LDB2: variants seen among roughly 807,000 people sequenced by gnomAD.
LDB2 encodes the protein LIM domain binding 2.
A neutral mutation model predicts 44.3 loss-of-function variants in LDB2; 12 were observed. That is an observed-to-expected ratio of 0.27 (90% CI 0.17 to 0.44). The LOEUF (loss-of-function observed/expected upper bound fraction) is 0.44, where lower values mean the gene tolerates loss of function less well. Ranked by LOEUF, LDB2 falls within the 20% of genes least tolerant of loss-of-function variation. The probability of loss-of-function intolerance (pLI) is 1.00; values close to 1 mark genes in which losing one functional copy is unlikely to be tolerated. For missense variants in LDB2, 344 were observed against 473.5 expected (o/e 0.73, Z 2.54); for synonymous variants, 164 against 174.8 (o/e 0.94, Z 0.49).
At chr4:16,870,718 C>T (rs1198515895) in intron 1 of LDB2, among the ~76,000 whole-genome samples, 1 of 152,084 alleles carries the variant, frequency 6.6e-6, no homozygotes, top group Non-Finnish European at 1.5e-5. Flanking sequence ...ACTACAACCT[C>T]CACCTCCCAG....
chr4:16,765,749 G>GAGA (rs570444815), intron 1 of LDB2, among the ~76,000 whole-genome samples: 148 of 152,298 alleles, frequency 9.7e-4, no homozygotes, highest in African/African-American at 3.4e-3. Context: ...GACAGTGTTC[G>GAGA]AGAGAAGTCT....
At chr4:16,775,219 T>C (rs548478980) in intron 1 of LDB2, among the ~76,000 whole-genome samples, 13 of 152,302 alleles carry the variant, frequency 8.5e-5, no homozygotes, top group African/African-American at 2.6e-4. Context: ...CATGGACCAG[T>C]GACTGGAACA....
At chr4:16,733,811 G>A (rs1320947030) in intron 2 of LDB2, among the ~76,000 whole-genome samples, 2 of 152,076 alleles carry the variant, frequency 1.3e-5, no homozygotes, top group Non-Finnish European at 2.9e-5. Context: ...AGTCATCAAG[G>A]CAATAATTAA....
intron 2 of LDB2, among the ~76,000 whole-genome samples, chr4:16,684,823 C>T (rs1748819065): frequency 2.6e-5 from 4 of 152,182 alleles, no homozygotes; most frequent in Admixed American, 2.6e-4. Context: ...GGCTGGAAAA[C>T]TTTCTCTGTG....
At chr4:16,656,208 C>T (rs906480144) in intron 2 of LDB2, among the ~76,000 whole-genome samples, 4 of 152,176 alleles carry the variant, frequency 2.6e-5, no homozygotes, top group Admixed American at 2.0e-4. Context: ...CCCAAGAAAA[C>T]GTCCTTTAAA....
At chr4:16,810,902 C>T (rs1779723876) in intron 1 of LDB2, among the ~76,000 whole-genome samples, 2 of 152,114 alleles carry the variant, frequency 1.3e-5, no homozygotes, top group Admixed American at 1.3e-4. Flanking sequence ...CAACAGTCCC[C>T]AACATTTTTG....
At chr4:16,748,460 C>G (rs940797215) in intron 2 of LDB2, among the ~76,000 whole-genome samples, 16 of 152,194 alleles carry the variant, frequency 1.1e-4, no homozygotes, top group African/African-American at 3.6e-4. Context: ...TAAAACATAC[C>G]CTGATGGGTA....
chr4:16,754,943 C>T (rs1277660829), intron 2 of LDB2, among the ~76,000 whole-genome samples: 1 of 152,222 alleles, frequency 6.6e-6, no homozygotes, highest in Non-Finnish European at 1.5e-5. Context: ...TGTTCCCTTT[C>T]TCCTGCACCA....
intron 1 of LDB2, among the ~76,000 whole-genome samples, chr4:16,776,610 A>G (rs1203275005): frequency 6.6e-6 from 1 of 152,218 alleles, no homozygotes; most frequent in Non-Finnish European, 1.5e-5. Context: ...CTCTTCTAGG[A>G]TTTAGTGATG....
At position 16,776,808 on chromosome 4, in the gene LDB2, A is replaced by C. The variant is rs1485966244; in HGVS notation, c.133-17548T>G. ...GTGGGGAAGGAGAAGTAAAATTTAC[A>C]TGGGATAACCACAGAAGGCCCTGCA... On this transcript the variant is annotated intron_variant, in intron 1 of 7. Transcript: ENST00000304523. Among the ~76,000 whole-genome samples, 5 of 152,334 alleles carry C rather than the reference A, an allele frequency of 3.3e-5. No individual in the cohort carries two copies. In the East Asian group the frequency reaches 9.6e-4, roughly 29 times the overall value.
rs562990612 is a variant in LDB2, at chr4:16,618,939, G to C, written c.236-23064C>G. ...CGAGAGATCTGGTTAAGAGTGTGTA[G>C]CACCTCCCCCATCAGTCTCTTCCTC... On this transcript the variant is annotated intron_variant, in intron 2 of 7. Transcript: ENST00000304523. Among the ~76,000 whole-genome samples the C allele has an allele frequency of 7.9e-5, 12 of 152,234 alleles. No individual in the cohort carries two copies. In the East Asian group the frequency reaches 2.3e-3, roughly 30 times the overall value.
At chr4:16,890,067 A>G (rs1390451277) in intron 1 of LDB2, among the ~76,000 whole-genome samples, 1 of 152,192 alleles carries the variant, frequency 6.6e-6, no homozygotes, top group African/African-American at 2.4e-5. Context: ...AAAGAAAGCC[A>G]TATATTCGGT....
intron 2 of LDB2, among the ~76,000 whole-genome samples, chr4:16,751,741 A>G (rs962607124): frequency 6.6e-6 from 1 of 152,232 alleles, no homozygotes; most frequent in Non-Finnish European, 1.5e-5. Flanking sequence ...CTGGCCTAGG[A>G]AGGCAATGTC....
chr4:16,541,289 TTGTAAAG>T (rs112909253), intron 5 of LDB2, among the ~76,000 whole-genome samples: 1,684 of 152,176 alleles, frequency 0.011, 13 homozygotes, highest in Non-Finnish European at 0.018. Flanking sequence ...GATCTGGTTG[TTGTAAAG>T]TGTAAAGTGT....
rs1188331750 is a variant in LDB2, at chr4:16,502,154, G to C, written c.*489C>G. The C allele has an allele frequency of 6.5e-6, 1 of 154,250 alleles. No individual in the cohort carries two copies. The highest frequency in any genetic ancestry group is 1.9e-4 in the East Asian group (1 of 5,226). 9.6% of individuals were successfully genotyped at this position (154,250 alleles called of 1,614,324 possible). ...TACATTTAAATTACTTTCCAAAGCT[G>C]ATTTTTTTGTCTTTTCTTTTTTTAC... On this transcript the variant is annotated 3_prime_UTR_variant, in exon 8 of 8. Coordinates refer to ENST00000304523, the MANE Select transcript of LDB2 (RefSeq NM_001290.5).
chr4:16,876,385 TAA>T (rs936248030), intron 1 of LDB2, among the ~76,000 whole-genome samples: 2 of 152,196 alleles, frequency 1.3e-5, no homozygotes, highest in Non-Finnish European at 2.9e-5. Flanking sequence ...TTGGTAGATA[TAA>T]AAGAGTTACG....
At chr4:16,634,588 C>T (rs1309099428) in intron 2 of LDB2, among the ~76,000 whole-genome samples, 1 of 152,062 alleles carries the variant, frequency 6.6e-6, no homozygotes, top group Non-Finnish European at 1.5e-5. Context: ...TCAAAACCAC[C>T]ATGAGATACC....
intron 1 of LDB2, among the ~76,000 whole-genome samples, chr4:16,865,101 A>C (rs2110296329): frequency 6.6e-6 from 1 of 151,322 alleles, no homozygotes; most frequent in East Asian, 2.0e-4. Context: ...AAATACAAAA[A>C]ATTAACTGGG....
rs1174965862 is a variant in LDB2 at position 16,897,895 on chromosome 4, AATATATATATATAT to A, written c.132+445_132+458del. Among the ~76,000 whole-genome samples the A allele has an allele frequency of 1.7e-3, 130 of 78,148 alleles. 2 individuals carry two copies. Among genetic ancestry groups the A allele is most frequent in the Middle Eastern group, 8.3e-3 (1 of 120 alleles). 51.3% of individuals were successfully genotyped at this position (78,148 alleles called of 152,430 possible). ...TTCCTCTAGGATTTGTAAAAAAGAA[AATATATATATATAT>A]ATATATATATATATATATATATATA... On this transcript the variant is annotated intron_variant, in intron 1 of 7. Coordinates refer to ENST00000304523, the MANE Select transcript of LDB2 (RefSeq NM_001290.5).
Sources: gnomAD v4.1 joint callset for allele counts (sites outside exome capture counted in the v4.1 genomes callset) on GRCh38, gnomAD v4.1.1 for gene constraint, MANE v1.5 for transcripts, NCBI Gene and HGNC (gene_info 2026-07-23, HGNC 2026-07-21) for gene names.